Variants in MECOM observed in about 807,000 individuals in gnomAD.
MECOM encodes the protein histone-lysine N-methyltransferase MECOM.
A neutral mutation model predicts 116.3 loss-of-function variants in MECOM; 13 were observed. The ratio of observed to expected loss-of-function variants is 0.11; its 90% CI spans 0.07 to 0.18. MECOM has a LOEUF of 0.18. Ranked by LOEUF, MECOM falls within the 10% of genes least tolerant of loss-of-function variation. The pLI is 1.00. For missense variants in MECOM, 1,299 were observed against 1,509.0 expected (o/e 0.86, Z 2.31); for synonymous variants, 528 against 535.2 (o/e 0.99, Z 0.19).
At chr3:169,356,019 A>G (rs761426323) in intron 2 of MECOM, among the ~76,000 whole-genome samples, 65 of 152,014 alleles carry the variant, frequency 4.3e-4, no homozygotes, top group Non-Finnish European at 8.3e-4. Context: ...CTCAAAATTC[A>G]CAGTTTCATT....
At chr3:169,181,778 C>G (rs1746001205) in intron 2 of MECOM, among the ~76,000 whole-genome samples, 1 of 152,138 alleles carries the variant, frequency 6.6e-6, no homozygotes, top group African/African-American at 2.4e-5. Flanking sequence ...GAAGAAACAA[C>G]TGTATATTGA....
At chr3:169,444,892 A>C (rs1285755454) in intron 1 of MECOM, among the ~76,000 whole-genome samples, 1 of 152,190 alleles carries the variant, frequency 6.6e-6, no homozygotes, top group Admixed American at 6.5e-5. Flanking sequence ...ACTGGAGCAA[A>C]GGTGACTCTT....
intron 1 of MECOM, among the ~76,000 whole-genome samples, chr3:169,624,145 G>T (rs751202150): frequency 6.6e-6 from 1 of 152,178 alleles, no homozygotes; most frequent in Non-Finnish European, 1.5e-5. Flanking sequence ...AGATGAAGGC[G>T]CAGGGGCCTA....
intron 2 of MECOM, among the ~76,000 whole-genome samples, chr3:169,380,912 G>A (rs941107237): frequency 2.0e-5 from 3 of 152,084 alleles, no homozygotes; most frequent in South Asian, 2.1e-4. Flanking sequence ...GTTTCCAAAC[G>A]TTAACTATAA....
At chr3:169,571,969 C>G (rs1341480912) in intron 1 of MECOM, among the ~76,000 whole-genome samples, 2 of 152,140 alleles carry the variant, frequency 1.3e-5, no homozygotes, top group African/African-American at 4.8e-5. Flanking sequence ...GTAATGGCAA[C>G]AAAAGCCAAA....
chr3:169,316,797 C>T (rs955068079), intron 2 of MECOM, among the ~76,000 whole-genome samples: 1 of 152,190 alleles, frequency 6.6e-6, no homozygotes, highest in South Asian at 2.1e-4. Context: ...AAGTGATCTG[C>T]GTGCCTTGGC....
intron 2 of MECOM, among the ~76,000 whole-genome samples, chr3:169,278,799 G>A (rs1188869996): frequency 3.9e-5 from 6 of 152,188 alleles, no homozygotes; most frequent in Admixed American, 3.9e-4. Flanking sequence ...GCTCCTTCTG[G>A]TCGGTCCCTT....
chr3:169,129,638 T>C (rs749764683), intron 4 of MECOM, among the ~76,000 whole-genome samples: 12 of 152,164 alleles, frequency 7.9e-5, no homozygotes, highest in Non-Finnish European at 1.0e-4. Flanking sequence ...ACATTTCCTA[T>C]AGTCTGTAAT....
chr3:169,643,853 A>G (rs978193938), intron 1 of MECOM, among the ~76,000 whole-genome samples: 1 of 152,224 alleles, frequency 6.6e-6, no homozygotes, highest in Non-Finnish European at 1.5e-5. Flanking sequence ...ATTTCTGTGT[A>G]GTGAAAAAGA....
intron 1 of MECOM, among the ~76,000 whole-genome samples, chr3:169,568,417 C>T (rs545943680): frequency 6.6e-6 from 1 of 152,098 alleles, no homozygotes; most frequent in East Asian, 1.9e-4. Flanking sequence ...GCCAAGTGGT[C>T]TGGCTCAGCA....
intron 1 of MECOM, among the ~76,000 whole-genome samples, chr3:169,469,771 A>T (rs1289440005): frequency 1.3e-5 from 2 of 152,216 alleles, no homozygotes; most frequent in Non-Finnish European, 2.9e-5. Flanking sequence ...CACTTAGAAG[A>T]ATGTACCCGT....
intron 1 of MECOM, among the ~76,000 whole-genome samples, chr3:169,565,094 A>C (rs1560438766): frequency 6.6e-6 from 1 of 152,136 alleles, no homozygotes; most frequent in African/African-American, 2.4e-5. Flanking sequence ...TGGACAAAAG[A>C]AGAAAGGAAA....
Position 169,283,439 on chromosome 3 carries a change from T to C in MECOM, c.375+97748A>G, listed in dbSNP as rs74341686. ...CAAAAAAAAAAGAGATAATTATTTG[T>C]ATAATAAGAAAAAAATAGCTTGCTT... On this transcript the variant is annotated intron_variant, in intron 2 of 16. Transcript: ENST00000651503. Among the ~76,000 whole-genome samples the C allele has an allele frequency of 3.2e-4, 49 of 152,116 alleles. No homozygotes were observed. The East Asian group carries it at 7.7e-3, about 24-fold the overall frequency.
intron 1 of MECOM, among the ~76,000 whole-genome samples, chr3:169,483,202 A>T (rs3042771): frequency 0.35 from 35,424 of 101,508 alleles, 6,124 homozygotes; most frequent in South Asian, 0.53. Flanking sequence ...TTTTATTTTT[A>T]TTTTTTTTTT....
intron 1 of MECOM, among the ~76,000 whole-genome samples, chr3:169,494,736 A>G (rs531799913): frequency 9.8e-5 from 15 of 152,334 alleles, no homozygotes; most frequent in Non-Finnish European, 5.9e-5. Flanking sequence ...TGTATTTTGT[A>G]AAAGCTCCCA....
intron 2 of MECOM, among the ~76,000 whole-genome samples, chr3:169,282,677 T>C (rs1712345703): frequency 6.6e-6 from 1 of 152,154 alleles, no homozygotes; most frequent in Non-Finnish European, 1.5e-5. Context: ...TTTGCCCTCA[T>C]TAAGAATGTA....
chr3:169,378,458 C>A (rs11707470), intron 2 of MECOM, among the ~76,000 whole-genome samples: 23,354 of 40,536 alleles, frequency 0.58, 5,968 homozygotes, highest in African/African-American at 0.63. Context: ...AGAAGGAAAG[C>A]AAGCAAGCAA....
intron 1 of MECOM, among the ~76,000 whole-genome samples, chr3:169,482,761 G>C (rs957168980): frequency 5.9e-5 from 9 of 152,170 alleles, no homozygotes; most frequent in Admixed American, 4.6e-4. Context: ...ACTCTGAGCA[G>C]ACTCTTGATT....
At position 169,545,619 on chromosome 3, in the gene MECOM, C is replaced by A. The variant is rs564890913; in HGVS notation, c.37+117717G>T. Reference sequence around the variant, plus strand: ...GCTCTTTCTTCTCTACAGTTTCAACCGGATATTTCAAATTCACTTAGCTTT... The same window carrying A: ...GCTCTTTCTTCTCTACAGTTTCAACAGGATATTTCAAATTCACTTAGCTTT... On this transcript the variant is annotated intron_variant, in intron 1 of 16. Coordinates refer to ENST00000651503, the MANE Select transcript of MECOM (RefSeq NM_004991.4). Among the ~76,000 whole-genome samples, 52 of 152,252 alleles carry A rather than the reference C, an allele frequency of 3.4e-4. 1 individual carries two copies. The South Asian group carries it at 0.011, about 32-fold the overall frequency.
Sources: gnomAD v4.1 joint callset for allele counts (sites outside exome capture counted in the v4.1 genomes callset) on GRCh38, gnomAD v4.1.1 for gene constraint, MANE v1.5 for transcripts, NCBI Gene and HGNC (gene_info 2026-07-23, HGNC 2026-07-21) for gene names.